Variants in DLGAP2 observed in about 807,000 individuals in gnomAD.
The protein encoded by DLGAP2 is DLG associated protein 2.
Under a neutral mutation model 100.3 loss-of-function variants are expected in DLGAP2, and 26 were observed. The ratio of observed to expected loss-of-function variants is 0.26; its 90% CI spans 0.19 to 0.36. DLGAP2 has a LOEUF of 0.36. Among genes scored for constraint, DLGAP2 ranks in the 10% least tolerant of loss-of-function variants. The probability of loss-of-function intolerance (pLI) is 1.00; values close to 1 mark genes in which losing one functional copy is unlikely to be tolerated. For synonymous variants in DLGAP2, 886 were observed against 630.1 expected (o/e 1.41, Z -6.08); for missense variants, 1,858 against 1,453.2 (o/e 1.28, Z -4.53).
intron 2 of DLGAP2, among the ~76,000 whole-genome samples, chr8:1,067,115 G>A (rs1367726100): frequency 2.0e-5 from 3 of 152,138 alleles, no homozygotes; most frequent in Non-Finnish European, 2.9e-5. Flanking sequence ...CAGCCTCTCC[G>A]CACAGCCCCC....
At chr8:871,266 GAATT>G (rs1563072870) in intron 1 of DLGAP2, among the ~76,000 whole-genome samples, 2 of 152,192 alleles carry the variant, frequency 1.3e-5, no homozygotes, top group East Asian at 3.9e-4. Context: ...GTCCACACCT[GAATT>G]AATTGGCTGC....
chr8:1,603,777 T>C (rs1385074672), intron 6 of DLGAP2, among the ~76,000 whole-genome samples: 1 of 152,234 alleles, frequency 6.6e-6, no homozygotes, highest in Non-Finnish European at 1.5e-5. Context: ...TCTAAGGGAC[T>C]GGGGCTGAGG....
intron 2 of DLGAP2, among the ~76,000 whole-genome samples, chr8:1,200,537 G>C (rs995685715): frequency 1.6e-4 from 25 of 152,242 alleles, no homozygotes; most frequent in African/African-American, 5.8e-4. Flanking sequence ...TCTCTGGTCT[G>C]ACCCGCCAGC....
intron 1 of DLGAP2, among the ~76,000 whole-genome samples, chr8:882,697 G>A (rs1797833593): frequency 7.6e-6 from 1 of 131,438 alleles, no homozygotes; most frequent in African/African-American, 3.0e-5. Context: ...GCCTGATCCA[G>A]CGGTACCTCT....
chr8:973,200 G>A (rs1376326896), intron 2 of DLGAP2, among the ~76,000 whole-genome samples: 1 of 152,098 alleles, frequency 6.6e-6, no homozygotes, highest in African/African-American at 2.4e-5. Context: ...CGGCCGGGCA[G>A]AGGCGACCCC....
At chr8:763,636 C>T (rs966638795) in intron 1 of DLGAP2, among the ~76,000 whole-genome samples, 19 of 151,980 alleles carry the variant, frequency 1.3e-4, no homozygotes, top group Admixed American at 8.5e-4. Flanking sequence ...TGGTGGTGGT[C>T]GGTGGCGACC....
At chr8:1,206,903 C>T (rs1325809379) in intron 2 of DLGAP2, among the ~76,000 whole-genome samples, 1 of 152,158 alleles carries the variant, frequency 6.6e-6, no homozygotes, top group Non-Finnish European at 1.5e-5. Flanking sequence ...CTGCCCCCGG[C>T]CCCGTCTCCA....
intron 7 of DLGAP2, among the ~76,000 whole-genome samples, chr8:1,628,370 C>A (rs900816823): frequency 7.4e-6 from 1 of 135,076 alleles, no homozygotes; most frequent in Non-Finnish European, 1.6e-5. Flanking sequence ...GAGCTTGAGC[C>A]AACCTCACAT....
intron 2 of DLGAP2, among the ~76,000 whole-genome samples, chr8:1,196,897 G>A (rs1433564631): frequency 6.6e-6 from 1 of 152,110 alleles, no homozygotes; most frequent in African/African-American, 2.4e-5. Flanking sequence ...ATTTATTATG[G>A]GAATTGGTCG....
chr8:750,326 G>A (rs1820759721), intron 1 of DLGAP2, among the ~76,000 whole-genome samples: 1 of 152,192 alleles, frequency 6.6e-6, no homozygotes, highest in East Asian at 1.9e-4. Flanking sequence ...GACGTCACAG[G>A]AAAAGTAACA....
intron 2 of DLGAP2, among the ~76,000 whole-genome samples, chr8:1,190,336 A>G (rs1797604671): frequency 6.6e-6 from 1 of 152,084 alleles, no homozygotes; most frequent in African/African-American, 2.4e-5. Flanking sequence ...TGAAATAGAA[A>G]TGTGATGCTG....
chr8:1,094,052 G>A lies in DLGAP2; in HGVS notation c.74-164799G>A, dbSNP rs566581637. Among the ~76,000 whole-genome samples the A allele has an allele frequency of 1.4e-3, 208 of 152,004 alleles. 7 individuals carry two copies. The South Asian group carries it at 0.038, about 28-fold the overall frequency. On this transcript the variant is annotated intron_variant, in intron 2 of 14. Coordinates refer to ENST00000637795, the MANE Select transcript of DLGAP2 (RefSeq NM_001346810.2). The stretch of plus-strand genomic sequence containing the variant: ...GTGGGTGGAGGGAGGGCAGCTCCGC[G>A]GTGGAGGGAGGGCAGCTGCGAGGTG...
chr8:1,666,594 C>G (rs750804467), intron 8 of DLGAP2, among the ~76,000 whole-genome samples: 1 of 151,814 alleles, frequency 6.6e-6, no homozygotes, highest in Non-Finnish European at 1.5e-5. Flanking sequence ...GCAGGAGAAT[C>G]GCTTGAACAC....
chr8:1,492,550 C>T lies in DLGAP2; in HGVS notation c.107-8816C>T, dbSNP rs571734774. Reference sequence around the variant, plus strand: ...TGTGGGCGACACCCGATGGGGACCGCGCTTCGCTCCGCAAACATTGTCACT... The same window carrying T: ...TGTGGGCGACACCCGATGGGGACCGTGCTTCGCTCCGCAAACATTGTCACT... On this transcript the variant is annotated intron_variant, in intron 3 of 14. Coordinates refer to ENST00000637795, the MANE Select transcript of DLGAP2 (RefSeq NM_001346810.2). Among the ~76,000 whole-genome samples the T allele has an allele frequency of 3.3e-5, 5 of 152,322 alleles. No homozygotes were observed. In the East Asian group the frequency reaches 7.7e-4, roughly 24 times the overall value.
At chr8:1,308,280 A>C (rs1167925302) in intron 3 of DLGAP2, among the ~76,000 whole-genome samples, 4 of 152,324 alleles carry the variant, frequency 2.6e-5, no homozygotes, top group Admixed American at 6.5e-5. Flanking sequence ...GCTTGAAACA[A>C]CCTTAAGAAA....
At chr8:1,342,105 T>C (rs1801431934) in intron 3 of DLGAP2, among the ~76,000 whole-genome samples, 2 of 151,976 alleles carry the variant, frequency 1.3e-5, no homozygotes, top group Admixed American at 1.3e-4. Flanking sequence ...CAGGTGCCCC[T>C]ACCCCCAGCT....
At chr8:1,083,891 GAAC>G (rs1803889556) in intron 2 of DLGAP2, among the ~76,000 whole-genome samples, 1 of 152,140 alleles carries the variant, frequency 6.6e-6, no homozygotes, top group African/African-American at 2.4e-5. Flanking sequence ...GGCTAATAAA[GAAC>G]TGTGTTCGTG....
Position 1,477,059 on chromosome 8 carries a change from C to CACCGCAGACACAATTAATCACGTCACT in DLGAP2, c.107-24306_107-24280dup, listed in dbSNP as rs143996999. Among the ~76,000 whole-genome samples the CACCGCAGACACAATTAATCACGTCACT allele has an allele frequency of 0.037, 5,633 of 152,102 alleles. 645 individuals are homozygous for CACCGCAGACACAATTAATCACGTCACT. In the East Asian group the frequency reaches 0.39, roughly 11 times the overall value. On this transcript the variant is annotated intron_variant, in intron 3 of 14. Coordinates refer to ENST00000637795, the MANE Select transcript of DLGAP2 (RefSeq NM_001346810.2). ...GGTCATTCCTTCAGAGCAAAGCCTC[C>CACCGCAGACACAATTAATCACGTCACT]ACCGCAGACACAATTAATCACGTCA... is the stretch of plus-strand genomic sequence containing the variant.
intron 4 of DLGAP2, among the ~76,000 whole-genome samples, chr8:1,539,962 A>G (rs1326869621): frequency 6.6e-6 from 1 of 152,006 alleles, no homozygotes; most frequent in East Asian, 1.9e-4. Context: ...CTCTGCTCCT[A>G]TGGCCTCCAG....
Sources: gnomAD v4.1 joint callset for allele counts (sites outside exome capture counted in the v4.1 genomes callset) on GRCh38, gnomAD v4.1.1 for gene constraint, MANE v1.5 for transcripts, NCBI Gene and HGNC (gene_info 2026-07-23, HGNC 2026-07-21) for gene names.